Variants in ANK1 observed in about 807,000 individuals in gnomAD.
ANK1 encodes ankyrin-1.
In ANK1, 51 loss-of-function variants were observed where a neutral mutation model predicts 210.4. That is an observed-to-expected ratio of 0.24 (90% CI 0.19 to 0.31). The LOEUF is 0.31. Ranked by LOEUF, ANK1 falls within the 10% of genes least tolerant of loss-of-function variation. ANK1 has a pLI of 1.00. For synonymous variants in ANK1, 967 were observed against 1,025.9 expected, an observed-to-expected ratio of 0.94 and a Z score of 1.10; for missense variants, 2,051 against 2,504.4, an observed-to-expected ratio of 0.82 and a Z score of 3.86.
chr8:41,894,972 C>T (rs1015512760), intron 1 of ANK1, among the ~76,000 whole-genome samples: 1 of 152,020 alleles, frequency 6.6e-6, no homozygotes, highest in Non-Finnish European at 1.5e-5. Flanking sequence ...GATGGCAATC[C>T]CTCAAGGGAG....
At chr8:41,773,061 C>G (rs185290099) in intron 1 of ANK1, among the ~76,000 whole-genome samples, 4 of 152,330 alleles carry the variant, frequency 2.6e-5, no homozygotes, top group East Asian at 1.9e-4. Flanking sequence ...CCTGACCCCC[C>G]CTAAACCTGG....
intron 2 of ANK1, among the ~76,000 whole-genome samples, chr8:41,749,698 C>T (rs1001346657): frequency 1.5e-4 from 23 of 152,044 alleles, no homozygotes; most frequent in African/African-American, 7.2e-5. Flanking sequence ...CCACATCCTC[C>T]ACCTCCCAGG....
At chr8:41,726,332 C>A (rs760628152) in intron 5 of ANK1, among the ~76,000 whole-genome samples, 5 of 152,116 alleles carry the variant, frequency 3.3e-5, no homozygotes, top group Non-Finnish European at 5.9e-5. Context: ...TTACTAACAC[C>A]GACCAAAGGC....
chr8:41,890,961 G>C (rs914988128), intron 1 of ANK1, among the ~76,000 whole-genome samples: 2 of 152,160 alleles, frequency 1.3e-5, no homozygotes, highest in African/African-American at 4.8e-5. Context: ...CTCAAGTGTT[G>C]GCTTCAAAGT....
chr8:41,700,255 C>T (rs896379136), intron 22 of ANK1, among the ~76,000 whole-genome samples: 12 of 152,166 alleles, frequency 7.9e-5, no homozygotes, highest in African/African-American at 2.4e-4. Context: ...AGGAGGTGCC[C>T]GCCAGGCATG....
intron 1 of ANK1, among the ~76,000 whole-genome samples, chr8:41,871,477 G>A (rs1364721141): frequency 6.6e-6 from 1 of 152,148 alleles, no homozygotes; most frequent in Non-Finnish European, 1.5e-5. Context: ...CCGGCCTATG[G>A]TGTCTTTATA....
chr8:41,802,987 GAGAA>G (rs1314097901), intron 1 of ANK1, among the ~76,000 whole-genome samples: 5 of 67,990 alleles, frequency 7.4e-5, no homozygotes, highest in African/African-American at 2.9e-4. Flanking sequence ...AAAAGAAAGA[GAGAA>G]AGAGAGAAAG....
At chr8:41,875,977 C>A (rs538387120) in intron 1 of ANK1, among the ~76,000 whole-genome samples, 1 of 152,014 alleles carries the variant, frequency 6.6e-6, no homozygotes, top group African/African-American at 2.4e-5. Flanking sequence ...CACACCTGCC[C>A]GCGCGCACAC....
intron 1 of ANK1, among the ~76,000 whole-genome samples, chr8:41,807,952 A>C (rs1269588088): frequency 1.6e-5 from 2 of 121,656 alleles, no homozygotes; most frequent in African/African-American, 3.1e-5. Flanking sequence ...GAAGAGGAGG[A>C]GGGGAAGAGG....
At position 41,759,211 on chromosome 8, in the gene ANK1, G is replaced by T. The variant is rs555171196; in HGVS notation, c.28-1074C>A. ...AAAAATAACAATACTAAAATAAAAA[G>T]TAATACTAACAGAAGGCTGGGCGTG... On this transcript the variant is annotated intron_variant, in intron 1 of 42. Transcript: ENST00000289734. Among the ~76,000 whole-genome samples the T allele has an allele frequency of 5.3e-5, 8 of 152,142 alleles. No homozygotes were observed. The South Asian group carries it at 8.3e-4, about 16-fold the overall frequency.
At chr8:41,688,029 A>G in intron 35 of ANK1, 127 bp downstream of exon 35, 2 of 1,202,004 alleles carry the variant, frequency 1.7e-6, no homozygotes, top group East Asian at 2.4e-5. Context: ...CAGCTCAGAC[A>G]ATCACAAATC....
At chr8:41,715,125 T>C (rs374171347) in intron 14 of ANK1, 51 bp from the exon 15 acceptor site, 42 of 1,527,778 alleles carry the variant, frequency 2.7e-5, no homozygotes, top group Non-Finnish European at 3.1e-5. Context: ...CTGTCCTCCC[T>C]GGAGAAAGGG....
intron 1 of ANK1, among the ~76,000 whole-genome samples, chr8:41,879,676 C>A (rs1429084391): frequency 6.6e-6 from 1 of 152,170 alleles, no homozygotes; most frequent in African/African-American, 2.4e-5. Context: ...TGGCCTGGTT[C>A]ATTGGAGCTT....
At chr8:41,715,220 G>A in intron 14 of ANK1, 146 bp from the exon 15 acceptor site, 1 of 735,928 alleles carries the variant, frequency 1.4e-6, no homozygotes, top group Non-Finnish European at 2.3e-6. Context: ...CCTCTGGGAG[G>A]CCGAAGACCT....
chr8:41,757,981 G>C, intron 2 of ANK1, 55 bp downstream of exon 2: 1 of 1,468,948 alleles, frequency 6.8e-7, no homozygotes. Flanking sequence ...TCAGGAAATG[G>C]CATCAGGCAA....
chr8:41,782,943 C>A (rs538583974), intron 1 of ANK1, among the ~76,000 whole-genome samples: 1 of 152,256 alleles, frequency 6.6e-6, no homozygotes, highest in African/African-American at 2.4e-5. Context: ...AATATCCACA[C>A]TGAAAAAAAG....
intron 1 of ANK1, chr8:41,840,026 T>G (rs182059887): frequency 5.9e-5 from 9 of 152,280 alleles, no homozygotes; most frequent in African/African-American, 1.9e-4. Context: ...TAAACTTGTT[T>G]TTTTTTTCTT....
At chr8:41,767,011 C>G (rs993659651) in intron 1 of ANK1, among the ~76,000 whole-genome samples, 2 of 152,224 alleles carry the variant, frequency 1.3e-5, no homozygotes, top group South Asian at 4.1e-4. Flanking sequence ...GCCCGGCCCC[C>G]CTCGGGGCAC....
At chr8:41,813,223 A>G (rs1441884329) in intron 1 of ANK1, among the ~76,000 whole-genome samples, 2 of 152,202 alleles carry the variant, frequency 1.3e-5, no homozygotes, top group Admixed American at 6.5e-5. Flanking sequence ...AAGGTTATCC[A>G]TACACAGCAT....
Sources: allele counts gnomAD v4.1 joint callset (sites outside exome capture counted in the v4.1 genomes callset), GRCh38; gene constraint gnomAD v4.1.1; transcripts MANE v1.5; gene names NCBI Gene and HGNC (gene_info 2026-07-23, HGNC 2026-07-21).